ZGRF1: variants seen among roughly 807,000 people sequenced by gnomAD.
ZGRF1 encodes the protein zinc finger GRF-type containing 1.
In ZGRF1, 196 loss-of-function variants were observed where a neutral mutation model predicts 203.5. That is an observed-to-expected ratio of 0.96 (90% CI 0.86 to 1.08). The LOEUF is 1.08. Among genes scored for constraint, ZGRF1 ranks in the 50% least tolerant of loss-of-function variants. ZGRF1 has a pLI of 0.00. For missense variants in ZGRF1, 2,326 were observed against 2,416.3 expected, an observed-to-expected ratio of 0.96 and a Z score of 0.78; for synonymous variants, 809 against 841.3, an observed-to-expected ratio of 0.96 and a Z score of 0.66.
At chr4:112,561,190 T>C in intron 18 of ZGRF1, 195 bp from the exon 19 acceptor site, 1 of 558,984 alleles carries the variant, frequency 1.8e-6, no homozygotes, top group Non-Finnish European at 3.2e-6. Flanking sequence ...GAACTGACGT[T>C]TGTTGAATAC....
intron 22 of ZGRF1, among the ~76,000 whole-genome samples, chr4:112,550,146 C>T (rs1399536778): frequency 3.3e-5 from 5 of 151,490 alleles, no homozygotes; most frequent in African/African-American, 1.2e-4. Flanking sequence ...GAGCCAAGAT[C>T]GCGCCACTGC....
chr4:112,601,428 G>C (rs1424368034), intron 10 of ZGRF1, among the ~76,000 whole-genome samples: 2 of 152,048 alleles, frequency 1.3e-5, no homozygotes, highest in Admixed American at 6.6e-5. Context: ...CAAGAAATTA[G>C]CCAGGCATGG....
chr4:112,548,113 G>A, intron 23 of ZGRF1, 140 bp downstream of exon 23: 1 of 677,380 alleles, frequency 1.5e-6, no homozygotes, highest in Non-Finnish European at 2.4e-6. Context: ...AGCTAATTTT[G>A]TATTTTTTGT....
In ZGRF1 at chr4:112,633,143, T is replaced by C; in HGVS notation, c.21+13A>G. 1.9e-6 allele frequency: 3 copies of C among 1,607,530 alleles called. No homozygotes were observed. The highest frequency in any genetic ancestry group is 1.7e-6 in the Non-Finnish European group (2 of 1,174,934). ...GGGAATTTCACCAAACTGTGAAAAA[T>C]GGTAAAACTTACAATAAATTCTTGG... On this transcript the variant is annotated intron_variant, in intron 2 of 27. Coordinates refer to ENST00000505019, the MANE Select transcript of ZGRF1 (RefSeq NM_018392.5).
chr4:112,556,755 G>C (rs946405245), intron 20 of ZGRF1, among the ~76,000 whole-genome samples: 1 of 152,140 alleles, frequency 6.6e-6, no homozygotes, highest in Non-Finnish European at 1.5e-5. Flanking sequence ...CAAAATGTGT[G>C]CATGTATATT....
rs559211971 is a variant in ZGRF1, at chr4:112,587,489, C to T, written c.3568G>A (p.Asp1190Asn). 3 of 1,613,888 alleles carry T rather than the reference C, an allele frequency of 1.9e-6. No homozygotes were observed. The highest frequency in any genetic ancestry group is 2.2e-5 in the South Asian group (2 of 91,074). ...TCTAAAGAGCTTTCATTGACAGCAT[C>T]ACTCTGTCTTTCACTTGTGTCTCTA... ...HFRDTSERQS[D>N]AVNESSLDSV... The change falls in exon 12 of 28, where the codon GAT (aspartate) becomes AAT (asparagine). Residue 1190 changes from aspartate (D) to asparagine (N), a missense_variant. Transcript: ENST00000505019.
intron 7 of ZGRF1, 28 bp from the exon 8 acceptor site, chr4:112,609,457 A>G: frequency 8.2e-7 from 1 of 1,217,186 alleles, no homozygotes; most frequent in Admixed American, 2.0e-5. Flanking sequence ...AATTTTAGAT[A>G]AACTAATAGG....
At chr4:112,626,303 T>G (rs534706826) in intron 3 of ZGRF1, among the ~76,000 whole-genome samples, 1 of 151,566 alleles carries the variant, frequency 6.6e-6, no homozygotes, top group Admixed American at 6.6e-5. Flanking sequence ...CTCTTTTAAT[T>G]TGATACACCC....
intron 4 of ZGRF1, among the ~76,000 whole-genome samples, chr4:112,621,730 G>GT (rs1173895359): frequency 1.1e-5 from 1 of 90,140 alleles, no homozygotes; most frequent in Admixed American, 1.4e-4. Flanking sequence ...CTAATGAAAT[G>GT]ATTTTTTTTT....
chr4:112,619,404 AAAT>A lies in ZGRF1; in HGVS notation c.635_637del (p.Tyr212del). The A allele has an allele frequency of 6.2e-7, 1 of 1,613,308 alleles. No individual in the cohort carries two copies. Among genetic ancestry groups the A allele is most frequent in the Non-Finnish European group, 8.5e-7 (1 of 1,179,500 alleles). ...ATTTCCAGAATTGACAGGTGAGCAA[AAAT>A]AATTTTCTTCACACAGCACTTCTGG... On this transcript the variant is annotated inframe_deletion, in exon 6 of 28. Coordinates refer to ENST00000505019, the MANE Select transcript of ZGRF1 (RefSeq NM_018392.5).
rs554191607 is a variant in ZGRF1, at chr4:112,600,343, T to G, written c.2976+3181A>C. On this transcript the variant is annotated intron_variant, in intron 10 of 27. Coordinates refer to ENST00000505019, the MANE Select transcript of ZGRF1 (RefSeq NM_018392.5). ...GTGACCTTGTCATCCAGAGAAAGAT[T>G]TCTTAAGATACAAAAGCGCTAATCG... Among the ~76,000 whole-genome samples, 4 of 152,194 alleles carry G rather than the reference T, an allele frequency of 2.6e-5. No individual in the cohort carries two copies. The South Asian group carries it at 6.2e-4, about 24-fold the overall frequency.
rs2046959551 is a variant in ZGRF1 at position 112,618,492 on chromosome 4, T to C, written c.1550A>G (p.His517Arg). The C allele has an allele frequency of 6.2e-7, 1 of 1,613,396 alleles. No homozygotes were observed. Among genetic ancestry groups the C allele is most frequent in the East Asian group, 2.2e-5 (1 of 44,846 alleles). The stretch of plus-strand genomic sequence containing the variant: ...TTGTGTTACATTACTCAGAGATTCA[T>C]GAATACTATTAAGACTTTCATTATC... ...KMDNESLNSI[H>R]ESLSNVTQPF... Residue 517 changes from histidine (H) to arginine (R), a missense_variant, in exon 6 of 28, where the codon CAT (histidine) becomes CGT (arginine). Physicochemically the swap from His to Arg is conservative, Grantham distance 29 (BLOSUM62 0). Transcript: ENST00000505019.
intron 11 of ZGRF1, among the ~76,000 whole-genome samples, chr4:112,588,662 A>C (rs555202805): frequency 2.6e-5 from 4 of 152,206 alleles, no homozygotes; most frequent in Non-Finnish European, 5.9e-5. Context: ...ATAATACTGC[A>C]TCAGAATTAT....
chr4:112,549,262 A>G (rs973851619), intron 22 of ZGRF1, among the ~76,000 whole-genome samples: 1 of 152,196 alleles, frequency 6.6e-6, no homozygotes, highest in African/African-American at 2.4e-5. Context: ...ATAAAAACTG[A>G]TTTTTAATCT....
intron 7 of ZGRF1, among the ~76,000 whole-genome samples, chr4:112,610,381 G>GAA (rs1751404823): frequency 6.6e-6 from 1 of 151,938 alleles, no homozygotes; most frequent in Non-Finnish European, 1.5e-5. Context: ...GACCAGCCTG[G>GAA]CAAACATGGC....
intron 16 of ZGRF1, among the ~76,000 whole-genome samples, chr4:112,576,990 G>C (rs780189462): frequency 3.3e-5 from 5 of 151,362 alleles, no homozygotes; most frequent in Non-Finnish European, 5.9e-5. Flanking sequence ...ATTCACCAAA[G>C]TTGAAATGAA....
chr4:112,606,173 CA>C, intron 8 of ZGRF1, 82 bp from the exon 9 acceptor site: 3 of 938,458 alleles, frequency 3.2e-6, no homozygotes, highest in Non-Finnish European at 4.9e-6. Context: ...AAAATAATTG[CA>C]AAACTTAAGT....
chr4:112,619,919 G>A, intron 5 of ZGRF1, 83 bp downstream of exon 5: 1 of 1,178,932 alleles, frequency 8.5e-7, no homozygotes, highest in Non-Finnish European at 1.2e-6. Flanking sequence ...GAATGACAGA[G>A]TACAATAACT....
chr4:112,617,740 G>A lies in ZGRF1; in HGVS notation c.2302C>T (p.Leu768=). The A allele has an allele frequency of 6.2e-7, 1 of 1,614,004 alleles. No homozygotes were observed. The change falls in exon 6 of 28, where the codon CTG becomes TTG. Residue 768 remains leucine, a synonymous_variant. Transcript: ENST00000505019. ...TTGGAAATAAGATGCTTTTTTCCCAGTGGGTAAAACAAAGAATTGGAAATG... is the reference window on the plus strand; with the variant it reads ...TTGGAAATAAGATGCTTTTTTCCCAATGGGTAAAACAAAGAATTGGAAATG... ...THISNSLFYP[L]GKKHLISKDT... is the part of the protein sequence containing the mutation.
Sources: allele counts gnomAD v4.1 joint callset (sites outside exome capture counted in the v4.1 genomes callset), GRCh38; gene constraint gnomAD v4.1.1; transcripts MANE v1.5; gene names NCBI Gene and HGNC (gene_info 2026-07-23, HGNC 2026-07-21).